SH3PXD2A: variants seen among roughly 807,000 people sequenced by gnomAD.
SH3PXD2A encodes SH3 and PX domains 2A, also known as SH3 and PX domain-containing protein 2A.
Under a neutral mutation model 115.2 loss-of-function variants are expected in SH3PXD2A, and 32 were observed. The ratio of observed to expected loss-of-function variants is 0.28; its 90% CI spans 0.21 to 0.37. The LOEUF is 0.37. SH3PXD2A is among the 10% of genes least tolerant of loss of function. The pLI, the probability that SH3PXD2A is intolerant of heterozygous loss-of-function variation, is 1.00. For synonymous variants in SH3PXD2A, 610 were observed against 629.1 expected (o/e 0.97, Z 0.45); for missense variants, 1,328 against 1,498.7 (o/e 0.89, Z 1.88).
chr10:103,762,012 G>A (rs1376515364), intron 3 of SH3PXD2A, among the ~76,000 whole-genome samples: 2 of 95,384 alleles, frequency 2.1e-5, no homozygotes, highest in Non-Finnish European at 4.4e-5. Context: ...CAATCAACAC[G>A]TCTTTTTTTT....
chr10:103,828,071 A>G (rs1293346795), intron 1 of SH3PXD2A, among the ~76,000 whole-genome samples: 1 of 152,224 alleles, frequency 6.6e-6, no homozygotes, highest in Non-Finnish European at 1.5e-5. Context: ...AGGCAGGGGC[A>G]CTGGCACATC....
intron 8 of SH3PXD2A, among the ~76,000 whole-genome samples, chr10:103,641,639 C>T (rs1207845598): frequency 1.3e-5 from 2 of 152,154 alleles, no homozygotes; most frequent in African/African-American, 2.4e-5. Flanking sequence ...GACAGATGAG[C>T]CAAGAAACCC....
intron 3 of SH3PXD2A, among the ~76,000 whole-genome samples, chr10:103,760,352 T>C (rs1485140147): frequency 1.3e-5 from 2 of 152,156 alleles, no homozygotes; most frequent in African/African-American, 2.4e-5. Context: ...GTGGATCACT[T>C]GAGTCCAGGA....
intron 8 of SH3PXD2A, among the ~76,000 whole-genome samples, chr10:103,632,163 C>A (rs770510211): frequency 6.6e-6 from 1 of 151,686 alleles, no homozygotes; most frequent in South Asian, 2.1e-4. Flanking sequence ...CGAGACCCCA[C>A]CTAAAAAAAA....
intron 8 of SH3PXD2A, among the ~76,000 whole-genome samples, chr10:103,640,532 C>A (rs894199664): frequency 6.6e-6 from 1 of 152,104 alleles, no homozygotes; most frequent in Non-Finnish European, 1.5e-5. Flanking sequence ...CACCAGCTGG[C>A]CGCAGAGAAG....
At chr10:103,848,917 T>A (rs1842871692) in intron 1 of SH3PXD2A, among the ~76,000 whole-genome samples, 1 of 145,470 alleles carries the variant, frequency 6.9e-6, no homozygotes, top group Non-Finnish European at 1.5e-5. Context: ...ATCATAACCC[T>A]AAGAGCTAGG....
intron 12 of SH3PXD2A, among the ~76,000 whole-genome samples, chr10:103,612,499 T>C (rs2036443632): frequency 6.6e-6 from 1 of 152,200 alleles, no homozygotes; most frequent in African/African-American, 2.4e-5. Context: ...TCTATCTTGA[T>C]TTATAAAGCC....
At chr10:103,831,365 C>T (rs976668919) in intron 1 of SH3PXD2A, among the ~76,000 whole-genome samples, 3 of 152,174 alleles carry the variant, frequency 2.0e-5, no homozygotes, top group Non-Finnish European at 4.4e-5. Flanking sequence ...ACTGAATATA[C>T]CAATTCTTTT....
chr10:103,596,663 A>ACACACACACACACACTCTCTCTCTCTCT lies in SH3PXD2A; in HGVS notation c.*5152_*5153insAGAGAGAGAGAGAGTGTGTGTGTGTGTG. 6.4e-5 allele frequency: 8 copies of ACACACACACACACACTCTCTCTCTCTCT among 124,510 alleles called. No homozygotes were observed. The highest frequency in any genetic ancestry group is 2.2e-4 in the African/African-American group (7 of 31,752). 7.7% of individuals were successfully genotyped at this position (124,510 alleles called of 1,614,324 possible). On this transcript the variant is annotated 3_prime_UTR_variant, in exon 15 of 15. Coordinates refer to ENST00000369774, the MANE Select transcript of SH3PXD2A (RefSeq NM_001394015.1). ...CACACACACACACACACACACACAC[A>ACACACACACACACACTCTCTCTCTCTCT]CTCTCTCTCTCTCTCTCTCTCTCAC...
chr10:103,712,370 A>T (rs1035184213), intron 5 of SH3PXD2A, among the ~76,000 whole-genome samples: 4 of 152,060 alleles, frequency 2.6e-5, no homozygotes, highest in African/African-American at 9.7e-5. Flanking sequence ...TTCATGAGAG[A>T]GGGTGTGGGA....
At chr10:103,655,665 C>T (rs564554105) in intron 8 of SH3PXD2A, among the ~76,000 whole-genome samples, 6 of 149,532 alleles carry the variant, frequency 4.0e-5, no homozygotes, top group African/African-American at 1.2e-4. Flanking sequence ...CCCAGTTACT[C>T]GGGAGGCTGA....
chr10:103,629,727 A>C (rs1296306326), intron 8 of SH3PXD2A, among the ~76,000 whole-genome samples: 1 of 152,204 alleles, frequency 6.6e-6, no homozygotes, highest in Admixed American at 6.5e-5. Flanking sequence ...TTCACTGTCT[A>C]CTTCCCTTGA....
chr10:103,691,138 C>T (rs2037745640), intron 6 of SH3PXD2A, among the ~76,000 whole-genome samples: 1 of 150,274 alleles, frequency 6.7e-6, no homozygotes, highest in African/African-American at 2.5e-5. Flanking sequence ...TGAGGCCCAG[C>T]ATAGAGAAGG....
rs1213875290 is a variant in SH3PXD2A, at chr10:103,746,890, G to A, written c.230-11082C>T. On this transcript the variant is annotated intron_variant, in intron 3 of 14. Coordinates refer to ENST00000369774, the MANE Select transcript of SH3PXD2A (RefSeq NM_001394015.1). The surrounding 1 kb of genome is among the most constrained non-coding windows in gnomAD (Gnocchi z 4.4). ...TTGCATCCCTCATTGGGAGGCCTTTGGTGGCCATGTGCCCTCTCTCTCCGG... is the reference window on the plus strand; with the variant it reads ...TTGCATCCCTCATTGGGAGGCCTTTAGTGGCCATGTGCCCTCTCTCTCCGG... The A allele has an allele frequency of 6.6e-6, 1 of 152,328 alleles. No individual in the cohort carries two copies. Among genetic ancestry groups the A allele is most frequent in the Non-Finnish European group, 1.5e-5 (1 of 68,124 alleles). 9.4% of individuals were successfully genotyped at this position (152,328 alleles called of 1,614,324 possible). A position where few individuals can be genotyped will look rare whatever the true frequency, so the allele number is the denominator to read the frequency against.
chr10:103,740,205 C>T (rs1341862915), intron 3 of SH3PXD2A, among the ~76,000 whole-genome samples: 1 of 152,160 alleles, frequency 6.6e-6, no homozygotes, highest in Non-Finnish European at 1.5e-5. Flanking sequence ...CCATTTTGTC[C>T]TAGAGGAGAT....
chr10:103,714,926 G>A (rs1463850114), intron 5 of SH3PXD2A, among the ~76,000 whole-genome samples: 1 of 152,236 alleles, frequency 6.6e-6, no homozygotes, highest in Non-Finnish European at 1.5e-5. Context: ...GAGAGACAGG[G>A]ACTTGGGATG....
Position 103,602,921 on chromosome 10 carries a change from T to A in SH3PXD2A, c.2297A>T (p.Glu766Val). The A allele has an allele frequency of 6.2e-7, 1 of 1,614,202 alleles. No homozygotes were observed. Among genetic ancestry groups the A allele is most frequent in the South Asian group, 1.1e-5 (1 of 91,074 alleles). Residue 766 changes from glutamate to valine, a missense_variant, in exon 15 of 15, where the codon GAG becomes GTG. Glu to Val is a moderately radical substitution (Grantham distance 121). Transcript: ENST00000369774. ...VRPKPFLNRA[E>V]SQSQEKMDIS... ...GTCCATCTTCTCTTGGCTCTGCGACTCTGCTCGGTTTAGGAATGGCTTGGG... is the reference window on the plus strand; with the variant it reads ...GTCCATCTTCTCTTGGCTCTGCGACACTGCTCGGTTTAGGAATGGCTTGGG...
Position 103,617,334 on chromosome 10 carries a change from A to G in SH3PXD2A, c.803-20T>C. Reference sequence around the variant, plus strand: ...TCTCCTCTGGGGGTGGGAGCAAGCAAGCAAGATTATTTGAGGTCGGGGTGC... The same window carrying G: ...TCTCCTCTGGGGGTGGGAGCAAGCAGGCAAGATTATTTGAGGTCGGGGTGC... On this transcript the variant is annotated intron_variant, in intron 10 of 14. Transcript: ENST00000369774. The G allele has an allele frequency of 6.4e-7, 1 of 1,568,404 alleles. No homozygotes were observed. Among genetic ancestry groups the G allele is most frequent in the Non-Finnish European group, 8.8e-7 (1 of 1,138,548 alleles).
chr10:103,635,503 C>G (rs2036850327), intron 8 of SH3PXD2A, among the ~76,000 whole-genome samples: 1 of 152,188 alleles, frequency 6.6e-6, no homozygotes, highest in Non-Finnish European at 1.5e-5. Flanking sequence ...GCTGAGATGA[C>G]CCCTCCCAGA....
Sources: gnomAD v4.1 joint callset for allele counts (sites outside exome capture counted in the v4.1 genomes callset) on GRCh38, gnomAD v4.1.1 for gene constraint, Gnocchi (gnomAD v3.1) non-coding constraint, MANE v1.5 for transcripts, NCBI Gene and HGNC (gene_info 2026-07-23, HGNC 2026-07-21) for gene names.